Variants in TRDN observed in about 807,000 individuals in gnomAD.
TRDN encodes the protein triadin, also known as triadin in skeletal muscle.
A neutral mutation model predicts 149.7 loss-of-function variants in TRDN; 161 were observed. That is an observed-to-expected ratio of 1.08 (90% CI 0.95 to 1.23). The LOEUF is 1.23. Among genes scored for constraint, TRDN ranks in the 50% most tolerant of loss-of-function variants. The pLI is 0.00. For synonymous variants in TRDN, 294 were observed against 250.5 expected (o/e 1.17, Z -1.64); for missense variants, 896 against 823.5 (o/e 1.09, Z -1.08).
chr6:123,562,125 C>A (rs956459974), intron 2 of TRDN, among the ~76,000 whole-genome samples: 13 of 152,124 alleles, frequency 8.5e-5, no homozygotes, highest in African/African-American at 3.1e-4. Context: ...GGCTCAAAAG[C>A]TCCCCCACTG....
chr6:123,619,905 G>C (rs1785292166), intron 1 of TRDN, among the ~76,000 whole-genome samples: 1 of 151,994 alleles, frequency 6.6e-6, no homozygotes, highest in African/African-American at 2.4e-5. Flanking sequence ...GCTGATTATG[G>C]GGAAAATTTC....
chr6:123,606,337 A>C (rs1437311842), intron 1 of TRDN, among the ~76,000 whole-genome samples: 1 of 152,102 alleles, frequency 6.6e-6, no homozygotes, highest in Non-Finnish European at 1.5e-5. Context: ...GACCAAATAT[A>C]GACTTCTATT....
At position 123,259,524 on chromosome 6, in the gene TRDN, C is replaced by T. The variant is rs969126685; in HGVS notation, c.1870+100G>A. On this transcript the variant is annotated intron_variant, in intron 35 of 40. Transcript: ENST00000334268. ...GCTATAAAATCAGTGTCTTCATTTT[C>T]ATCAACTGTTTTTAAATCATATAAT... The T allele has an allele frequency of 5.1e-6, 4 of 776,884 alleles. No homozygotes were observed. The African/African-American group carries it at 5.4e-5, about 10-fold the overall frequency. The allele number at this position is 776,884 out of a possible 1,614,324, so 48.1% of individuals were successfully genotyped here. A position where few individuals can be genotyped will look rare whatever the true frequency, so the allele number is the denominator to read the frequency against.
intron 9 of TRDN, chr6:123,468,760 A>G (rs1334101346): frequency 6.6e-6 from 1 of 152,170 alleles, no homozygotes; most frequent in Non-Finnish European, 1.5e-5. Context: ...TCTGTCTTGT[A>G]ACAAATGTTA....
chr6:123,501,935 T>C (rs1778718453), intron 8 of TRDN: 1 of 984,664 alleles, frequency 1.0e-6, no homozygotes, highest in Non-Finnish European at 1.2e-6. Context: ...CGGTGATGAG[T>C]TTTTATCAAT....
At chr6:123,266,214 TTATA>T in intron 32 of TRDN, among the ~76,000 whole-genome samples, 1 of 23,928 alleles carries the variant, frequency 4.2e-5, no homozygotes, top group Non-Finnish European at 7.4e-5. Context: ...ATTATATATA[TTATA>T]ATATGTATTA....
intron 38 of TRDN, among the ~76,000 whole-genome samples, chr6:123,236,817 C>T (rs1775805284): frequency 1.3e-5 from 2 of 151,856 alleles, no homozygotes; most frequent in South Asian, 4.1e-4. Context: ...TTTGCAAATC[C>T]CATACTCTTG....
chr6:123,614,554 A>G (rs1784990996), intron 1 of TRDN, among the ~76,000 whole-genome samples: 1 of 151,550 alleles, frequency 6.6e-6, no homozygotes, highest in African/African-American at 2.4e-5. Context: ...AGAATGGTCA[A>G]ATATTTTTGA....
chr6:123,243,638 A>G (rs1346130920), intron 38 of TRDN, among the ~76,000 whole-genome samples: 9 of 152,178 alleles, frequency 5.9e-5, no homozygotes, highest in Non-Finnish European at 4.4e-5. Flanking sequence ...GATAAAATAC[A>G]AAACACATTG....
chr6:123,525,900 T>A (rs1298059569), intron 5 of TRDN, among the ~76,000 whole-genome samples: 5 of 152,044 alleles, frequency 3.3e-5, no homozygotes, highest in African/African-American at 9.7e-5. Flanking sequence ...ATAATGGCCC[T>A]CTAAAGTATA....
chr6:123,424,457 T>C (rs1487238662), intron 12 of TRDN, among the ~76,000 whole-genome samples: 1 of 152,058 alleles, frequency 6.6e-6, no homozygotes, highest in Non-Finnish European at 1.5e-5. Context: ...AAAAAACAAC[T>C]CATGCATCAA....
rs527599803 is a variant in TRDN at position 123,440,122 on chromosome 6, C to A, written c.932-1119G>T. 5.3e-5 allele frequency among the ~76,000 whole-genome samples: 8 copies of A among 152,234 alleles called. No individual in the cohort carries two copies. The South Asian group carries it at 1.7e-3, about 32-fold the overall frequency. On this transcript the variant is annotated intron_variant, in intron 10 of 40. Coordinates refer to ENST00000334268, the MANE Select transcript of TRDN (RefSeq NM_006073.4). ...TTAAATAGAGGAATTAACTCATTCC[C>A]ATAGGTATAGAGCTTTTTTACCTAC...
intron 1 of TRDN, among the ~76,000 whole-genome samples, chr6:123,634,602 G>T (rs1319466329): frequency 1.3e-5 from 2 of 151,892 alleles, no homozygotes; most frequent in East Asian, 1.9e-4. Flanking sequence ...GGCACAAAAG[G>T]TGAGAATTGC....
chr6:123,364,686 G>A (rs987712884), intron 20 of TRDN, among the ~76,000 whole-genome samples: 1 of 152,082 alleles, frequency 6.6e-6, no homozygotes, highest in Non-Finnish European at 1.5e-5. Flanking sequence ...CACTCCAAAA[G>A]AAACCTATCT....
intron 9 of TRDN, among the ~76,000 whole-genome samples, chr6:123,465,406 T>G (rs889179847): frequency 6.6e-6 from 1 of 151,916 alleles, no homozygotes; most frequent in Non-Finnish European, 1.5e-5. Context: ...TGATATAATA[T>G]AGGCAATAAA....
chr6:123,226,587 G>A (rs191226165), intron 38 of TRDN, among the ~76,000 whole-genome samples: 61 of 151,890 alleles, frequency 4.0e-4, no homozygotes, highest in African/African-American at 1.4e-3. Flanking sequence ...CATGTCAATC[G>A]CTCAGGAGAC....
chr6:123,224,746 C>T (rs1481241312), intron 38 of TRDN, among the ~76,000 whole-genome samples: 1 of 151,676 alleles, frequency 6.6e-6, no homozygotes, highest in Non-Finnish European at 1.5e-5. Context: ...TCCACCACCC[C>T]AAAATCAATT....
intron 10 of TRDN, chr6:123,441,908 T>C (rs1430575213): frequency 6.6e-6 from 1 of 152,224 alleles, no homozygotes; most frequent in Non-Finnish European, 1.5e-5. Context: ...CCAGAACTGA[T>C]GTATTCCTGG....
chr6:123,635,072 C>A (rs1786230861), intron 1 of TRDN, among the ~76,000 whole-genome samples: 1 of 151,838 alleles, frequency 6.6e-6, no homozygotes, highest in Admixed American at 6.6e-5. Flanking sequence ...GTCAACTGAC[C>A]TCCTGAATCA....
Sources: allele counts gnomAD v4.1 joint callset (sites outside exome capture counted in the v4.1 genomes callset), GRCh38; gene constraint gnomAD v4.1.1; transcripts MANE v1.5; gene names NCBI Gene and HGNC (gene_info 2026-07-23, HGNC 2026-07-21).